Variants in HPSE2 observed in about 807,000 individuals in gnomAD.
HPSE2 encodes heparanase 2 (inactive), also known as inactive heparanase-2.
In HPSE2, 38 loss-of-function variants were observed where a neutral mutation model predicts 60.5. The observed-to-expected ratio is 0.63, with a 90% CI of 0.48 to 0.82. The LOEUF (loss-of-function observed/expected upper bound fraction) is 0.82. Ranked by LOEUF, HPSE2 falls within the 40% of genes least tolerant of loss-of-function variation. The probability of loss-of-function intolerance (pLI) is 0.00; values close to 1 mark genes in which losing one functional copy is unlikely to be tolerated. For synonymous variants in HPSE2, 295 were observed against 293.2 expected (o/e 1.01, Z -0.06); for missense variants, 713 against 740.4 (o/e 0.96, Z 0.43).
At chr10:99,154,289 A>G (rs1846426497) in intron 2 of HPSE2, among the ~76,000 whole-genome samples, 1 of 130,268 alleles carries the variant, frequency 7.7e-6, no homozygotes, top group African/African-American at 2.7e-5. Context: ...CAACTCCAAG[A>G]CACATCATTG....
At chr10:99,267,577 TTCAAGACCAGC>T in the HPSE2 span, among the ~76,000 whole-genome samples, 1 of 150,368 alleles carries the variant, frequency 6.7e-6, no homozygotes, top group Non-Finnish European at 1.5e-5. Flanking sequence ...AGGTCAGGAG[TTCAAGACCAGC>T]CTGGCCAATA....
chr10:98,677,362 A>G (rs964580001), intron 6 of HPSE2, among the ~76,000 whole-genome samples: 4 of 152,216 alleles, frequency 2.6e-5, no homozygotes, highest in African/African-American at 9.6e-5. Context: ...AAGCCTTGCA[A>G]TATCTGTAGA....
At chr10:99,144,128 C>T in intron 3 of HPSE2, 110 bp downstream of exon 3, 1 of 1,082,306 alleles carries the variant, frequency 9.2e-7, no homozygotes, top group South Asian at 1.3e-5. Flanking sequence ...AAAGACAAGT[C>T]ATCACAATTT....
At chr10:99,123,244 T>C (rs1042662012) in intron 3 of HPSE2, among the ~76,000 whole-genome samples, 6 of 151,982 alleles carry the variant, frequency 3.9e-5, no homozygotes, top group Admixed American at 2.0e-4. Flanking sequence ...CAAAGAGCAA[T>C]TACAAACTAT....
At chr10:98,987,972 C>A (rs899962242) in intron 3 of HPSE2, among the ~76,000 whole-genome samples, 1 of 152,180 alleles carries the variant, frequency 6.6e-6, no homozygotes, top group East Asian at 1.9e-4. Context: ...GAACTACAAA[C>A]CACTTTTCAG....
At chr10:98,838,828 C>T (rs1477605135) in intron 3 of HPSE2, among the ~76,000 whole-genome samples, 2 of 152,146 alleles carry the variant, frequency 1.3e-5, no homozygotes, top group East Asian at 3.9e-4. Context: ...CCATCTTATC[C>T]ATGCTACTGG....
intron 3 of HPSE2, among the ~76,000 whole-genome samples, chr10:98,771,428 C>T (rs1287020611): frequency 6.6e-6 from 1 of 152,126 alleles, no homozygotes; most frequent in East Asian, 1.9e-4. Context: ...GAGGTAGCAC[C>T]TGCCCTGTGT....
intron 3 of HPSE2, among the ~76,000 whole-genome samples, chr10:98,860,156 TCCC>T (rs1383486133): frequency 6.6e-6 from 1 of 152,128 alleles, no homozygotes; most frequent in Non-Finnish European, 1.5e-5. Flanking sequence ...ATCTATATAT[TCCC>T]TATTTATTCT....
At chr10:99,272,725 C>T in the HPSE2 span, among the ~76,000 whole-genome samples, 2 of 152,042 alleles carry the variant, frequency 1.3e-5, no homozygotes, top group African/African-American at 4.8e-5. Context: ...AATGCGATAC[C>T]ACCTTACTCC....
intron 3 of HPSE2, among the ~76,000 whole-genome samples, chr10:98,763,835 G>A (rs1457133464): frequency 6.6e-6 from 1 of 150,544 alleles, no homozygotes; most frequent in Non-Finnish European, 1.5e-5. Context: ...TAAAAGAAAT[G>A]CAAAAGGAAG....
chr10:99,070,595 T>C (rs1842756320), intron 3 of HPSE2, among the ~76,000 whole-genome samples: 1 of 152,238 alleles, frequency 6.6e-6, no homozygotes, highest in Non-Finnish European at 1.5e-5. Flanking sequence ...GTACAGCAGA[T>C]GCCTAGAACT....
intron 2 of HPSE2, among the ~76,000 whole-genome samples, chr10:99,153,227 G>A (rs952592168): frequency 1.5e-4 from 23 of 152,316 alleles, no homozygotes; most frequent in African/African-American, 5.3e-4. Context: ...CAGCCTGGAA[G>A]CTCGAACTGG....
intron 11 of HPSE2, among the ~76,000 whole-genome samples, chr10:98,461,395 G>T (rs1260999983): frequency 9.3e-6 from 1 of 107,270 alleles, no homozygotes; most frequent in Non-Finnish European, 2.0e-5. Flanking sequence ...CCTCTGGAAG[G>T]CATGGGGTGG....
chr10:99,251,310 A>G, the HPSE2 span, among the ~76,000 whole-genome samples: 24 of 152,336 alleles, frequency 1.6e-4, no homozygotes, highest in East Asian at 4.6e-3. Flanking sequence ...TGAAACCCTG[A>G]ACAGACCAAT....
intron 3 of HPSE2, among the ~76,000 whole-genome samples, chr10:98,997,643 C>T (rs1956679832): frequency 1.3e-5 from 2 of 152,206 alleles, no homozygotes; most frequent in African/African-American, 2.4e-5. Context: ...ACAAATAGCC[C>T]TCTTATCTGA....
chr10:98,660,153 A>G (rs910290099), intron 6 of HPSE2, among the ~76,000 whole-genome samples: 2 of 152,210 alleles, frequency 1.3e-5, no homozygotes, highest in African/African-American at 4.8e-5. Context: ...AGAAGTACAC[A>G]TGAGGGGAAA....
At chr10:99,178,112 TA>T (rs1564871421) in intron 2 of HPSE2, among the ~76,000 whole-genome samples, 1 of 151,792 alleles carries the variant, frequency 6.6e-6, no homozygotes, top group East Asian at 1.9e-4. Flanking sequence ...GGGACACAGC[TA>T]AAGCAGTGTT....
chr10:98,691,855 T>C (rs983176169), intron 6 of HPSE2, among the ~76,000 whole-genome samples: 6 of 152,228 alleles, frequency 3.9e-5, no homozygotes, highest in African/African-American at 1.4e-4. Context: ...GAGGATCAGA[T>C]ACAATAAGGC....
chr10:98,552,779 A>G (rs1303733769), intron 9 of HPSE2, among the ~76,000 whole-genome samples: 1 of 152,096 alleles, frequency 6.6e-6, no homozygotes, highest in Non-Finnish European at 1.5e-5. Context: ...AGTTGACAGC[A>G]TCTTAGATTT....
Sources: gnomAD v4.1 joint callset for allele counts (sites outside exome capture counted in the v4.1 genomes callset) on GRCh38, gnomAD v4.1.1 for gene constraint, MANE v1.5 for transcripts, NCBI Gene and HGNC (gene_info 2026-07-23, HGNC 2026-07-21) for gene names.